Variants in NRN1 observed in about 807,000 individuals in gnomAD.
NRN1 encodes neuritin.
Under a neutral mutation model 15.0 loss-of-function variants are expected in NRN1, and 4 were observed. The ratio of observed to expected loss-of-function variants is 0.27; its 90% CI spans 0.13 to 0.61. NRN1 has a LOEUF of 0.61. Ranked by LOEUF, NRN1 falls within the 20% of genes least tolerant of loss-of-function variation. The probability of loss-of-function intolerance (pLI) is 0.87; values close to 1 mark genes in which losing one functional copy is unlikely to be tolerated. For synonymous variants in NRN1, 85 were observed against 79.8 expected (o/e 1.07, Z -0.35); for missense variants, 134 against 181.9 (o/e 0.74, Z 1.51).
At chr6:6,006,116 G>A (rs551436486) in intron 1 of NRN1, among the ~76,000 whole-genome samples, 38 of 152,306 alleles carry the variant, frequency 2.5e-4, no homozygotes, top group Admixed American at 1.4e-3. Flanking sequence ...GTTAAAATAT[G>A]TGGTCTGAAG....
At chr6:6,002,773 C>A in intron 1 of NRN1, 1 of 468,696 alleles carries the variant, frequency 2.1e-6, no homozygotes, top group Non-Finnish European at 3.8e-6. Context: ...CTCCAGCTCC[C>A]TCCCGCATCT....
rs931163891 is a variant in NRN1 at position 5,998,972 on chromosome 6, A to C, written c.*4T>G. 6.2e-7 allele frequency: 1 copy of C among 1,604,844 alleles called. No homozygotes were observed. Among genetic ancestry groups the C allele is most frequent in the Admixed American group, 1.7e-5 (1 of 59,370 alleles). ...TGGGCGCGCGGGGGGAGCTGGCCCC[A>C]CGCTCAGAAGGAAAGCCAGGTCGCT... On this transcript the variant is annotated 3_prime_UTR_variant, in exon 3 of 3. Coordinates refer to ENST00000244766, the MANE Select transcript of NRN1 (RefSeq NM_016588.3).
At chr6:6,007,218 C>T (rs1480629345), upstream of NRN1, among the ~76,000 whole-genome samples, 2 of 152,110 alleles carry the variant, frequency 1.3e-5, no homozygotes, top group Non-Finnish European at 2.9e-5. Flanking sequence ...TCACCCCTGC[C>T]TCTTCCTCGT....
Position 6,006,742 on chromosome 6 carries a change from A to T in NRN1, c.8T>A (p.Leu3His). ...TGAAATATATCTGCCGTTCAACTTA[A>T]GTCCCATCCTACGTTTAGTCAAACC... is the stretch of plus-strand genomic sequence containing the variant. MGLKLNGRYISLI... is the reference protein window; with the variant it reads MGHKLNGRYISLI... Residue 3 changes from leucine (L) to histidine (H), a missense_variant, in exon 1 of 3, where the codon CTT becomes CAT. Leu to His is a moderately conservative substitution (Grantham distance 99). Coordinates refer to ENST00000244766, the MANE Select transcript of NRN1 (RefSeq NM_016588.3). The T allele has an allele frequency of 6.2e-7, 1 of 1,614,140 alleles. No individual in the cohort carries two copies. The highest frequency in any genetic ancestry group is 8.5e-7 in the Non-Finnish European group (1 of 1,179,974).
chr6:6,006,854 G>A lies in NRN1; in HGVS notation c.-105C>T. ...GGCATTGCCAACAAGTTCCGGGAGCGACAGAGACTTTATGCACTGGGAAGG... is the reference window on the plus strand; with the variant it reads ...GGCATTGCCAACAAGTTCCGGGAGCAACAGAGACTTTATGCACTGGGAAGG... On this transcript the variant is annotated 5_prime_UTR_variant, in exon 1 of 3. Transcript: ENST00000244766. 2.1e-6 allele frequency: 2 copies of A among 963,330 alleles called. No homozygotes were observed. Among genetic ancestry groups the A allele is most frequent in the Non-Finnish European group, 3.4e-6 (2 of 593,788 alleles). 59.7% of individuals were successfully genotyped at this position (963,330 alleles called of 1,614,324 possible).
chr6:6,001,723 C>T (rs1409574957), intron 2 of NRN1, among the ~76,000 whole-genome samples: 1 of 152,226 alleles, frequency 6.6e-6, no homozygotes, highest in African/African-American at 2.4e-5. Flanking sequence ...GGTAAAGTCA[C>T]TGGCACACAA....
intron 1 of NRN1, chr6:6,003,012 G>T: frequency 4.5e-6 from 2 of 443,304 alleles, no homozygotes; most frequent in East Asian, 7.1e-5. Context: ...TCACGCAGCT[G>T]AACCCAACGC....
intron 1 of NRN1, chr6:6,003,167 A>C: frequency 8.1e-7 from 1 of 1,232,158 alleles, no homozygotes; most frequent in East Asian, 3.2e-5. Flanking sequence ...CCGATTGCCT[A>C]CCGTGGACTC....
rs895691077 is a variant in NRN1 at position 6,005,547 on chromosome 6, C to T, written c.55+1148G>A. On this transcript the variant is annotated intron_variant, in intron 1 of 2. Coordinates refer to ENST00000244766, the MANE Select transcript of NRN1 (RefSeq NM_016588.3). The stretch of plus-strand genomic sequence containing the variant: ...AGAACTCCAAACCTTGTTTCCTTCA[C>T]ATTTCTTATGGAAAAAACATATTAT... Among the ~76,000 whole-genome samples, 10 of 152,220 alleles carry T rather than the reference C, an allele frequency of 6.6e-5. 1 individual carries two copies. Among genetic ancestry groups the T allele is most frequent in the African/African-American group, 2.4e-4 (10 of 41,446 alleles).
chr6:6,003,402 C>T (rs1226794420), intron 1 of NRN1: 2 of 509,592 alleles, frequency 3.9e-6, no homozygotes, highest in Non-Finnish European at 6.1e-6. Flanking sequence ...CTCGGCTCCC[C>T]AGACACCCTT....
Position 6,002,364 on chromosome 6 carries a change from C to T in NRN1, c.189G>A (p.Lys63=). Residue 63 remains lysine (K), a synonymous_variant, in exon 2 of 3, where the codon AAG becomes AAA. Coordinates refer to ENST00000244766, the MANE Select transcript of NRN1 (RefSeq NM_016588.3). ...GAGAGGACACTTACGTGCACACGGT[C>T]TTGATGTTCGTCTTGTCGTCCAGGC... The part of the protein sequence containing the change: ...PQGLDDKTNI[K]TVCTYWEDFH... 1.2e-6 allele frequency: 2 copies of T among 1,614,224 alleles called. No individual in the cohort carries two copies. Among genetic ancestry groups the T allele is most frequent in the Non-Finnish European group, 1.7e-6 (2 of 1,180,026 alleles).
intron 1 of NRN1, 51 bp from the exon 2 acceptor site, chr6:6,002,548 G>GC (rs1561903779): frequency 1.3e-6 from 2 of 1,587,242 alleles, no homozygotes; most frequent in Admixed American, 3.4e-5. Flanking sequence ...CCGCCCTGCC[G>GC]CCCACTGCCC....
intron 1 of NRN1, among the ~76,000 whole-genome samples, chr6:6,006,447 G>A (rs1051894494): frequency 2.6e-5 from 4 of 152,184 alleles, no homozygotes; most frequent in African/African-American, 9.7e-5. Flanking sequence ...GGAAAAAGGG[G>A]GAAAAAAACC....
In NRN1 at chr6:5,998,958, G is replaced by T. The variant is rs747187407; in HGVS notation, c.*18C>A. On this transcript the variant is annotated 3_prime_UTR_variant, in exon 3 of 3. Transcript: ENST00000244766. ...GGAGTGAGTGTGGGTGGGCGCGCGG[G>T]GGGAGCTGGCCCCACGCTCAGAAGG... is the stretch of plus-strand genomic sequence containing the variant. 3 of 1,585,854 alleles carry T rather than the reference G, an allele frequency of 1.9e-6. No homozygotes were observed. Among genetic ancestry groups the T allele is most frequent in the Non-Finnish European group, 2.6e-6 (3 of 1,160,842 alleles).
chr6:6,004,008 G>A (rs1758040403), intron 1 of NRN1: 1 of 1,206,690 alleles, frequency 8.3e-7, no homozygotes, highest in African/African-American at 1.6e-5. Context: ...CGCGAGCGCC[G>A]GGCCAGACGC....
chr6:5,999,235 C>G (rs1344431558), intron 2 of NRN1, 31 bp from the exon 3 acceptor site: 1 of 1,576,850 alleles, frequency 6.3e-7, no homozygotes, highest in Admixed American at 1.7e-5. Context: ...ACAGAACAAG[C>G]AGGTTCACTT....
Position 6,006,808 on chromosome 6 carries a change from G to C in NRN1, c.-59C>G. 1 of 1,539,734 alleles carries C rather than the reference G, an allele frequency of 6.5e-7. No homozygotes were observed. Among genetic ancestry groups the C allele is most frequent in the Non-Finnish European group, 9.0e-7 (1 of 1,112,412 alleles). On this transcript the variant is annotated 5_prime_UTR_variant, in exon 1 of 3. Coordinates refer to ENST00000244766, the MANE Select transcript of NRN1 (RefSeq NM_016588.3). ...CCTTTAAATAGTTAGTTTAGAGAACGCGGGGGAAAGCCAAAAAATAGGCAT... is the reference window on the plus strand; with the variant it reads ...CCTTTAAATAGTTAGTTTAGAGAACCCGGGGGAAAGCCAAAAAATAGGCAT...
At position 5,999,114 on chromosome 6, in the gene NRN1, T is replaced by G. The variant is rs748354240; in HGVS notation, c.291A>C (p.Glu97Asp). 6.2e-7 allele frequency: 1 copy of G among 1,614,196 alleles called. No homozygotes were observed. The highest frequency in any genetic ancestry group is 1.1e-5 in the South Asian group (1 of 91,088). Residue 97 changes from glutamate to aspartate, a missense_variant, in exon 3 of 3, where the codon GAA becomes GAC. Transcript: ENST00000244766. Reference sequence around the variant, plus strand: ...TGCCTTGGATGTTGAGGTTTTTGGATTCTTTTCTCAGTTTATCCCACATAT... The same window carrying G: ...TGCCTTGGATGTTGAGGTTTTTGGAGTCTTTTCTCAGTTTATCCCACATAT... ...AKDMWDKLRK[E>D]SKNLNIQGSL...
chr6:6,007,426 C>T (rs1471096786), upstream of NRN1: 2 of 152,376 alleles, frequency 1.3e-5, no homozygotes, highest in Admixed American at 1.3e-4. Flanking sequence ...GGAAAAACAG[C>T]TAAGCTAGCT....
Sources: gnomAD v4.1 joint callset for allele counts (sites outside exome capture counted in the v4.1 genomes callset) on GRCh38, gnomAD v4.1.1 for gene constraint, MANE v1.5 for transcripts, NCBI Gene and HGNC (gene_info 2026-07-23, HGNC 2026-07-21) for gene names.